Variants in DNAH6 observed in about 807,000 individuals in gnomAD.
DNAH6 encodes dynein axonemal heavy chain 6.
In DNAH6, 340 loss-of-function variants were observed where a neutral mutation model predicts 491.4. That is an observed-to-expected ratio of 0.69 (90% CI 0.63 to 0.76). The LOEUF (loss-of-function observed/expected upper bound fraction) is 0.76. Ranked by LOEUF, DNAH6 falls within the 30% of genes least tolerant of loss-of-function variation. The pLI is 0.00. For synonymous variants in DNAH6, 1,603 were observed against 1,686.1 expected (o/e 0.95, Z 1.21); for missense variants, 4,443 against 4,972.2 (o/e 0.89, Z 3.20).
chr2:84,539,587 C>G (rs1678037406), intron 4 of DNAH6, among the ~76,000 whole-genome samples: 2 of 152,068 alleles, frequency 1.3e-5, no homozygotes, highest in Non-Finnish European at 2.9e-5. Flanking sequence ...GGACCTACAG[C>G]AGCATTTCTC....
At chr2:84,495,231 C>T in the DNAH6 span, among the ~76,000 whole-genome samples, 14 of 152,196 alleles carry the variant, frequency 9.2e-5, no homozygotes, top group Non-Finnish European at 1.2e-4. Context: ...ATGGCAGTCT[C>T]GGCTCACTGC....
At position 84,718,212 on chromosome 2, in the gene DNAH6, T is replaced by C. The variant is rs1247770803; in HGVS notation, c.9620T>C (p.Val3207Ala). 7.2e-6 allele frequency: 11 copies of C among 1,531,570 alleles called. No homozygotes were observed. Among genetic ancestry groups the C allele is most frequent in the Non-Finnish European group, 9.7e-6 (11 of 1,138,864 alleles). 94.9% of individuals were successfully genotyped at this position (1,531,570 alleles called of 1,614,324 possible). A position where few individuals can be genotyped will look rare whatever the true frequency, so the allele number is the denominator to read the frequency against. ...GLEDQLLSDV[V>A]RLEKPRLEEQ... ...CTGAACTTTGGTTTTAGTGATGTGG[T>C]GCGACTTGAAAAACCCAGGTTGGAA... The change falls in exon 59 of 77, where the codon GTG (valine) becomes GCG (alanine). Residue 3207 changes from valine (V) to alanine (A), a missense_variant. Coordinates refer to ENST00000389394, the MANE Select transcript of DNAH6 (RefSeq NM_001370.2).
chr2:84,632,024 G>A (rs1048227706), intron 29 of DNAH6, among the ~76,000 whole-genome samples: 5 of 152,268 alleles, frequency 3.3e-5, no homozygotes, highest in East Asian at 1.9e-4. Context: ...ACCCAATTGC[G>A]TCTGACTACA....
At chr2:84,693,206 C>T (rs978500621) in intron 45 of DNAH6, among the ~76,000 whole-genome samples, 4 of 152,106 alleles carry the variant, frequency 2.6e-5, no homozygotes, top group African/African-American at 9.7e-5. Flanking sequence ...TCCTTATCTT[C>T]CATTTTCTCT....
chr2:84,739,805 G>A (rs1264563212), intron 62 of DNAH6, among the ~76,000 whole-genome samples: 1 of 151,972 alleles, frequency 6.6e-6, no homozygotes, highest in Non-Finnish European at 1.5e-5. Flanking sequence ...TGGCTTCTTT[G>A]TGTGGGATTT....
intron 4 of DNAH6, among the ~76,000 whole-genome samples, chr2:84,539,560 T>C (rs886540401): frequency 6.6e-6 from 1 of 152,114 alleles, no homozygotes; most frequent in Admixed American, 6.6e-5. Context: ...TAAGATTCAA[T>C]TAGAGTTATG....
chr2:84,595,160 A>C (rs1273374451), intron 17 of DNAH6, among the ~76,000 whole-genome samples: 1 of 152,212 alleles, frequency 6.6e-6, no homozygotes, highest in African/African-American at 2.4e-5. Flanking sequence ...TACTGCCATC[A>C]ATATATATGT....
At chr2:84,724,629 G>T (rs897448112) in intron 60 of DNAH6, among the ~76,000 whole-genome samples, 1 of 152,180 alleles carries the variant, frequency 6.6e-6, no homozygotes, top group Non-Finnish European at 1.5e-5. Context: ...AAAGCCTGCT[G>T]CTGGGACTGC....
chr2:84,662,225 T>C (rs1406915387), intron 37 of DNAH6, among the ~76,000 whole-genome samples: 1 of 152,168 alleles, frequency 6.6e-6, no homozygotes, highest in Admixed American at 6.5e-5. Flanking sequence ...GGTTGATTTC[T>C]GCATTTCCAA....
chr2:84,641,757 G>A (rs1689427513), intron 32 of DNAH6, among the ~76,000 whole-genome samples, 190 bp from the exon 33 acceptor site: 1 of 152,196 alleles, frequency 6.6e-6, no homozygotes, highest in African/African-American at 2.4e-5. Flanking sequence ...TTCTCTCCAA[G>A]GCTGCATAGC....
At chr2:84,565,511 C>G (rs1558723701) in intron 11 of DNAH6, among the ~76,000 whole-genome samples, 18 of 151,936 alleles carry the variant, frequency 1.2e-4, no homozygotes. Flanking sequence ...CTCTGAGGAT[C>G]TTTTTTATTT....
rs1347475298 is a variant in DNAH6 at position 84,637,233 on chromosome 2, G to A, written c.4677G>A (p.Gly1559=). The change falls in exon 31 of 77, where the codon GGG becomes GGA. Residue 1559 remains glycine (G), a synonymous_variant. Coordinates refer to ENST00000389394, the MANE Select transcript of DNAH6 (RefSeq NM_001370.2). ...AAKLSRFMFE[G]REIKLVMTCA... Reference sequence around the variant, plus strand: ...AGCTCTCTAGATTCATGTTTGAGGGGCGGGAAATAAAGTTGGTGATGACTT... The same window carrying A: ...AGCTCTCTAGATTCATGTTTGAGGGACGGGAAATAAAGTTGGTGATGACTT... 2 of 1,547,880 alleles carry A rather than the reference G, an allele frequency of 1.3e-6. No homozygotes were observed. The highest frequency in any genetic ancestry group is 2.0e-5 in the Admixed American group (1 of 50,708).
chr2:84,606,931 A>G lies in DNAH6; in HGVS notation c.3175-45A>G, dbSNP rs200819467. The G allele has an allele frequency of 2.2e-5, 33 of 1,532,876 alleles. No homozygotes were observed. The East Asian group carries it at 7.9e-4, about 37-fold the overall frequency. The allele number at this position is 1,532,876 out of a possible 1,614,324, so 95.0% of individuals were successfully genotyped here. A position where few individuals can be genotyped will look rare whatever the true frequency, so the allele number is the denominator to read the frequency against. ...ATGTATCTGAAATATTACTGAAAGC[A>G]CAAATACTGGGTGCTGCATGTATTT... On this transcript the variant is annotated intron_variant, in intron 20 of 76. Coordinates refer to ENST00000389394, the MANE Select transcript of DNAH6 (RefSeq NM_001370.2).
At chr2:84,549,626 T>A (rs1679128159) in intron 8 of DNAH6, among the ~76,000 whole-genome samples, 1 of 152,220 alleles carries the variant, frequency 6.6e-6, no homozygotes, top group Non-Finnish European at 1.5e-5. Flanking sequence ...AACAGCTATA[T>A]CACTCATTAA....
chr2:84,572,781 C>G (rs1682025127), intron 11 of DNAH6, among the ~76,000 whole-genome samples: 1 of 152,190 alleles, frequency 6.6e-6, no homozygotes, highest in African/African-American at 2.4e-5. Flanking sequence ...AGGTGTGGAG[C>G]ACAGCCAAGT....
intron 15 of DNAH6, among the ~76,000 whole-genome samples, chr2:84,587,222 C>A (rs1164013000): frequency 6.6e-6 from 1 of 152,124 alleles, no homozygotes; most frequent in Middle Eastern, 3.2e-3. Context: ...TTTTCTGTTC[C>A]TGCATTAGTT....
chr2:84,529,139 C>T lies in DNAH6; in HGVS notation c.635C>T (p.Ser212Phe). 20 of 1,548,224 alleles carry T rather than the reference C, an allele frequency of 1.3e-5. No homozygotes were observed. Among genetic ancestry groups the T allele is most frequent in the Non-Finnish European group, 1.7e-5 (20 of 1,144,392 alleles). Reference protein sequence around the residue: ...LYMIPAVPRSSIEYDTYNLKV... With the variant: ...LYMIPAVPRSFIEYDTYNLKV... ...ATGATCCCTGCAGTGCCAAGATCATCCATTGAATATGATACATATAATCTA... is the reference window on the plus strand; with the variant it reads ...ATGATCCCTGCAGTGCCAAGATCATTCATTGAATATGATACATATAATCTA... The change falls in exon 4 of 77, where the codon TCC (serine) becomes TTC (phenylalanine). Residue 212 changes from serine (S) to phenylalanine (F), a missense_variant. This residue lies in a region of DNAH6 where 2,977 missense variants were observed against 3,296.6 expected (regional missense o/e 0.90). Coordinates refer to ENST00000389394, the MANE Select transcript of DNAH6 (RefSeq NM_001370.2).
intron 64 of DNAH6, 83 bp from the exon 65 acceptor site, chr2:84,781,410 A>C: frequency 8.8e-7 from 1 of 1,137,314 alleles, no homozygotes; most frequent in Non-Finnish European, 1.2e-6. Flanking sequence ...CCTAAGCAAG[A>C]GTCTACTGTA....
At chr2:84,776,911 G>A (rs1403263285) in intron 64 of DNAH6, among the ~76,000 whole-genome samples, 1 of 152,242 alleles carries the variant, frequency 6.6e-6, no homozygotes, top group Non-Finnish European at 1.5e-5. Context: ...ATACTATGCA[G>A]CCATGTAAAA....
Sources: allele counts gnomAD v4.1 joint callset (sites outside exome capture counted in the v4.1 genomes callset), GRCh38; gene constraint gnomAD v4.1.1; regional missense constraint gnomAD v4.1.1; transcripts MANE v1.5; gene names NCBI Gene and HGNC (gene_info 2026-07-23, HGNC 2026-07-21).